ARHGEF40: variants seen among roughly 807,000 people sequenced by gnomAD.
ARHGEF40 encodes the protein Rho guanine nucleotide exchange factor 40, also known as Rho guanine nucleotide exchange factor (GEF) 40.
ARHGEF40 carries 98 observed loss-of-function variants against 165.9 expected under a neutral mutation model. That is an observed-to-expected ratio of 0.59 (90% CI 0.50 to 0.70). The LOEUF (loss-of-function observed/expected upper bound fraction) is 0.70. ARHGEF40 is among the 30% of genes least tolerant of loss of function. The pLI is 0.00. For missense variants in ARHGEF40, 1,815 were observed against 1,968.0 expected, an observed-to-expected ratio of 0.92 and a Z score of 1.47; for synonymous variants, 792 against 814.3, an observed-to-expected ratio of 0.97 and a Z score of 0.47.
In ARHGEF40 at chr14:21,072,900, G is replaced by A; in HGVS notation, c.4-145G>A. 3.6e-6 allele frequency: 3 copies of A among 823,130 alleles called. No individual in the cohort carries two copies. The highest frequency in any genetic ancestry group is 2.5e-5 in the East Asian group (1 of 39,914). The allele number at this position is 823,130 out of a possible 1,614,324, so 51.0% of individuals were successfully genotyped here. A position where few individuals can be genotyped will look rare whatever the true frequency, so the allele number is the denominator to read the frequency against. On this transcript the variant is annotated intron_variant, in intron 1 of 23. Coordinates refer to ENST00000298694, the MANE Select transcript of ARHGEF40 (RefSeq NM_018071.5). The surrounding 1 kb of genome is among the most constrained non-coding windows in gnomAD (Gnocchi z 4.1). The stretch of plus-strand genomic sequence containing the variant: ...CCCCACTCCTGTTCTGGGCTCATCA[G>A]CCAGCATTTCCTGAGTGCTCACTTT...
the ARHGEF40 span, among the ~76,000 whole-genome samples, chr14:21,064,591 C>T: frequency 6.6e-6 from 1 of 152,158 alleles, no homozygotes; most frequent in East Asian, 1.9e-4. Flanking sequence ...TGTGAGCCAC[C>T]GCACCCAGCC....
Position 21,088,950 on chromosome 14 carries a change from G to A in ARHGEF40, c.*6-64G>A, listed in dbSNP as rs61978230. 0.045 allele frequency: 66,229 copies of A among 1,470,622 alleles called. 1,729 individuals carry two copies. Among genetic ancestry groups the A allele is most frequent in the Middle Eastern group, 0.081 (427 of 5,290 alleles). 91.1% of individuals were successfully genotyped at this position (1,470,622 alleles called of 1,614,324 possible). A position where few individuals can be genotyped will look rare whatever the true frequency, so the allele number is the denominator to read the frequency against. On this transcript the variant is annotated intron_variant, in intron 23 of 23. Coordinates refer to ENST00000298694, the MANE Select transcript of ARHGEF40 (RefSeq NM_018071.5). ...TGCATGTACCTTCCTTCCTGTCCCC[G>A]GCTACTTGGGAGTCAGCTTCTTCCC...
upstream of ARHGEF40, among the ~76,000 whole-genome samples, chr14:21,070,090 T>C (rs760913983): frequency 5.3e-5 from 8 of 151,788 alleles, no homozygotes; most frequent in Non-Finnish European, 1.0e-4. The surrounding 1 kb of genome is among the most constrained non-coding windows in gnomAD (Gnocchi z 4.7). Flanking sequence ...AGGTTGCCGG[T>C]GAACGGGACG....
chr14:21,076,711 C>T lies in ARHGEF40; in HGVS notation c.1918-63C>T. On this transcript the variant is annotated intron_variant, in intron 7 of 23. Coordinates refer to ENST00000298694, the MANE Select transcript of ARHGEF40 (RefSeq NM_018071.5). ...GGAGAGGAGAAGAGGCTGGCTGGAG[C>T]CCCAGGCTGGTTTCTGAGTCCTTGG... The T allele has an allele frequency of 2.5e-6, 4 of 1,607,640 alleles. No individual in the cohort carries two copies. In the South Asian group the frequency reaches 3.3e-5, roughly 13 times the overall value.
chr14:21,080,387 G>A (rs996733579), intron 11 of ARHGEF40, among the ~76,000 whole-genome samples: 1 of 151,958 alleles, frequency 6.6e-6, no homozygotes, highest in Admixed American at 6.6e-5. Flanking sequence ...CTTCACCCTC[G>A]GACATAGCCC....
In ARHGEF40 at chr14:21,072,763, C is replaced by T. The variant is rs749287638; in HGVS notation, c.4-282C>T. Among the ~76,000 whole-genome samples, 1 of 152,150 alleles carries T rather than the reference C, an allele frequency of 6.6e-6. No individual in the cohort carries two copies. The highest frequency in any genetic ancestry group is 1.5e-5 in the Non-Finnish European group (1 of 68,036). Reference sequence around the variant, plus strand: ...GCAATCACCCCAACTCACGAGCACCCGGAACAGCCCTGATCAGGGGCATTC... The same window carrying T: ...GCAATCACCCCAACTCACGAGCACCTGGAACAGCCCTGATCAGGGGCATTC... On this transcript the variant is annotated intron_variant, in intron 1 of 23. Transcript: ENST00000298694. The surrounding 1 kb of genome is among the most constrained non-coding windows in gnomAD (Gnocchi z 4.1).
At chr14:21,076,671 T>A (rs1401592779) in intron 7 of ARHGEF40, 28 bp downstream of exon 7, 2 of 1,586,002 alleles carry the variant, frequency 1.3e-6, no homozygotes, top group Admixed American at 3.5e-5. Flanking sequence ...CCATCTAGTT[T>A]CCCATCAGTA....
At position 21,082,320 on chromosome 14, in the gene ARHGEF40, C is replaced by T; in HGVS notation, c.3328C>T (p.Pro1110Ser). ...YVATLSEPVP[P>S]PGPELTPELR... ...GGCCACCTTGAGTGAGCCAGTGCCACCCCCTGGGCCTGAGCTGACGCCTGA... is the reference window on the plus strand; with the variant it reads ...GGCCACCTTGAGTGAGCCAGTGCCATCCCCTGGGCCTGAGCTGACGCCTGA... Residue 1110 changes from proline (P) to serine (S), a missense_variant, in exon 15 of 24, where the codon CCC becomes TCC. Coordinates refer to ENST00000298694, the MANE Select transcript of ARHGEF40 (RefSeq NM_018071.5). The T allele has an allele frequency of 6.2e-7, 1 of 1,612,924 alleles. No individual in the cohort carries two copies. Among genetic ancestry groups the T allele is most frequent in the Non-Finnish European group, 8.5e-7 (1 of 1,179,784 alleles).
chr14:21,087,945 T>C (rs376351271), intron 21 of ARHGEF40, 23 bp from the exon 22 acceptor site: 7 of 1,613,442 alleles, frequency 4.3e-6, no homozygotes, highest in African/African-American at 1.3e-5. Flanking sequence ...TGTACTCTGC[T>C]CTCACCCTAG....
At chr14:21,088,664 C>A (rs988020318) in intron 22 of ARHGEF40, among the ~76,000 whole-genome samples, 166 bp from the exon 23 acceptor site, 4 of 151,972 alleles carry the variant, frequency 2.6e-5, no homozygotes, top group African/African-American at 9.7e-5. Flanking sequence ...CCAACCTGGG[C>A]AACAGTGAGC....
chr14:21,074,136 G>A lies in ARHGEF40; in HGVS notation c.406G>A (p.Val136Met). The change falls in exon 3 of 24, where the codon GTG becomes ATG. Residue 136 changes from valine (V) to methionine (M), a missense_variant. Physicochemically the swap from Val to Met is conservative, Grantham distance 21. Transcript: ENST00000298694. The surrounding 1 kb of genome is among the most constrained non-coding windows in gnomAD (Gnocchi z 4.8). The part of the protein sequence containing the change: ...PGGGRVQEVP[V>M]PNEACAYLFT... ...GGGTGGGCGGGTGCAGGAGGTTCCTGTGCCCAATGAGGCTTGTGCCTACCT... is the reference window on the plus strand; with the variant it reads ...GGGTGGGCGGGTGCAGGAGGTTCCTATGCCCAATGAGGCTTGTGCCTACCT... The A allele has an allele frequency of 1.9e-6, 3 of 1,614,162 alleles. No individual in the cohort carries two copies. The highest frequency in any genetic ancestry group is 1.7e-6 in the Non-Finnish European group (2 of 1,180,032).
chr14:21,084,197 C>G (rs1888165402), intron 17 of ARHGEF40, 147 bp downstream of exon 17: 1 of 755,306 alleles, frequency 1.3e-6, no homozygotes, highest in East Asian at 2.7e-5. Context: ...GATTGAGTCA[C>G]TGAACTTCAC....
Position 21,085,764 on chromosome 14 carries a change from G to C in ARHGEF40, c.4036G>C (p.Ala1346Pro), listed in dbSNP as rs537954158. 3.1e-6 allele frequency: 5 copies of C among 1,614,170 alleles called. No individual in the cohort carries two copies. The South Asian group carries it at 5.5e-5, about 18-fold the overall frequency. ...CFELWFRRRR[A>P]REAYTLQATS... ...TGAGTTGTGGTTTCGGCGGCGGCGT[G>C]CACGAGAGGCATACACTCTGCAGGC... The change falls in exon 19 of 24, where the codon GCA becomes CCA. Residue 1346 changes from alanine (A) to proline (P), a missense_variant. Transcript: ENST00000298694.
chr14:21,085,081 G>A (rs914325538), intron 18 of ARHGEF40, among the ~76,000 whole-genome samples, 158 bp downstream of exon 18: 2 of 152,178 alleles, frequency 1.3e-5, no homozygotes, highest in Non-Finnish European at 2.9e-5. Context: ...GGTGTCAGGG[G>A]ATGTTAGAAG....
Position 21,087,948 on chromosome 14 carries a change from C to A in ARHGEF40, c.4388-20C>A. On this transcript the variant is annotated intron_variant, in intron 21 of 23. Coordinates refer to ENST00000298694, the MANE Select transcript of ARHGEF40 (RefSeq NM_018071.5). The stretch of plus-strand genomic sequence containing the variant: ...CTGGAGGGATTCTGTACTCTGCTCT[C>A]ACCCTAGCTTCCCCTTCAGCCCCAG... The A allele has an allele frequency of 6.2e-7, 1 of 1,613,650 alleles. No homozygotes were observed. The highest frequency in any genetic ancestry group is 1.3e-5 in the African/African-American group (1 of 75,032).
chr14:21,071,004 G>T (rs927128378), intron 1 of ARHGEF40: 3 of 781,692 alleles, frequency 3.8e-6, no homozygotes, highest in Non-Finnish European at 6.2e-6. Context: ...GCTTGGGGGG[G>T]AGCTCACAGT....
chr14:21,064,723 C>T, the ARHGEF40 span, among the ~76,000 whole-genome samples: 1 of 152,342 alleles, frequency 6.6e-6, no homozygotes, highest in Middle Eastern at 3.4e-3. Context: ...TGGGTTACAA[C>T]TACATGAAAG....
chr14:21,084,955 C>T (rs777138567), intron 18 of ARHGEF40, 32 bp downstream of exon 18: 1 of 1,600,468 alleles, frequency 6.2e-7, no homozygotes, highest in Non-Finnish European at 8.5e-7. Flanking sequence ...GTGGAGGTGA[C>T]AGGAAGTCAT....
At chr14:21,087,638 C>A in intron 21 of ARHGEF40, 175 bp downstream of exon 21, 1 of 911,978 alleles carries the variant, frequency 1.1e-6, no homozygotes, top group Non-Finnish European at 1.6e-6. Flanking sequence ...GTGATGCTTA[C>A]AACAGCCTGT....
Sources: allele counts gnomAD v4.1 joint callset (sites outside exome capture counted in the v4.1 genomes callset), GRCh38; gene constraint gnomAD v4.1.1; non-coding constraint Gnocchi (gnomAD v3.1); transcripts MANE v1.5; gene names NCBI Gene and HGNC (gene_info 2026-07-23, HGNC 2026-07-21).